The following PHLDB2 variants were observed in gnomAD, a reference collection of about 807,000 sequenced individuals.
PHLDB2 encodes the protein pleckstrin homology-like domain family B member 2.
PHLDB2 carries 71 observed loss-of-function variants against 123.6 expected under a neutral mutation model. The observed-to-expected ratio is 0.57, with a 90% CI of 0.47 to 0.70. PHLDB2 has a LOEUF of 0.70. PHLDB2 is among the 30% of genes least tolerant of loss of function. The pLI is 0.00. For missense variants in PHLDB2, 1,446 were observed against 1,519.5 expected, an observed-to-expected ratio of 0.95 and a Z score of 0.80; for synonymous variants, 547 against 541.6, an observed-to-expected ratio of 1.01 and a Z score of -0.14.
intron 1 of PHLDB2, among the ~76,000 whole-genome samples, chr3:111,768,654 T>A (rs7641533): frequency 0.87 from 131,617 of 152,134 alleles, 57,853 homozygotes; most frequent in East Asian, 1. Context: ...CCACAAATAT[T>A]TGAATCACTG....
chr3:111,943,060 A>T (rs1244108056), intron 8 of PHLDB2, among the ~76,000 whole-genome samples: 1 of 152,136 alleles, frequency 6.6e-6, no homozygotes, highest in Non-Finnish European at 1.5e-5. Context: ...TCAACTGCAT[A>T]TGAAAATGCA....
chr3:111,849,728 T>G (rs924116417), intron 2 of PHLDB2, among the ~76,000 whole-genome samples: 1 of 152,202 alleles, frequency 6.6e-6, no homozygotes, highest in Non-Finnish European at 1.5e-5. Context: ...TGCAAAGATG[T>G]GGAACCAACC....
chr3:111,821,842 T>G (rs1045815806), intron 1 of PHLDB2, among the ~76,000 whole-genome samples: 1 of 152,224 alleles, frequency 6.6e-6, no homozygotes, highest in Non-Finnish European at 1.5e-5. Flanking sequence ...AAGTTCTATT[T>G]GAACATGTTC....
chr3:111,823,899 G>T (rs2062525248), intron 1 of PHLDB2, among the ~76,000 whole-genome samples: 1 of 152,144 alleles, frequency 6.6e-6, no homozygotes, highest in Non-Finnish European at 1.5e-5. Context: ...AGGGGGTACA[G>T]ACCTAGTTTA....
chr3:111,871,143 A>G (rs1392329), intron 1 of PHLDB2, among the ~76,000 whole-genome samples: 7,344 of 152,198 alleles, frequency 0.048, 423 homozygotes, highest in African/African-American at 0.13. Flanking sequence ...ATTAATTCCT[A>G]CTATATTGAT....
chr3:111,970,977 G>A (rs568226517), intron 16 of PHLDB2, among the ~76,000 whole-genome samples: 1 of 152,150 alleles, frequency 6.6e-6, no homozygotes, highest in South Asian at 2.1e-4. Context: ...AAATGGGTGA[G>A]GAGCTGGTAG....
intron 14 of PHLDB2, among the ~76,000 whole-genome samples, chr3:111,967,222 C>T (rs2071836167): frequency 6.6e-6 from 1 of 152,178 alleles, no homozygotes; most frequent in African/African-American, 2.4e-5. Context: ...TTCTAACTTC[C>T]CCACGTGCTT....
At chr3:111,869,547 G>A (rs2065241005) in intron 1 of PHLDB2, among the ~76,000 whole-genome samples, 1 of 152,188 alleles carries the variant, frequency 6.6e-6, no homozygotes, top group Non-Finnish European at 1.5e-5. Flanking sequence ...GCCACATTCT[G>A]GTCCCCAGCG....
chr3:111,819,235 G>C lies in PHLDB2; in HGVS notation c.-48-26586G>C, dbSNP rs534503416. On this transcript the variant is annotated intron_variant, in intron 1 of 17. Coordinates refer to the PHLDB2 transcript ENST00000393923. ...TGCCCATCTCTGACTGGGGGTTAGG[G>C]CTTCCACGTATAAATGGGGTGGGGG... Among the ~76,000 whole-genome samples the C allele has an allele frequency of 5.3e-4, 81 of 151,922 alleles. 3 individuals are homozygous for C. The South Asian group carries it at 0.017, about 32-fold the overall frequency.
chr3:111,830,035 C>T (rs1306352890), intron 1 of PHLDB2, among the ~76,000 whole-genome samples: 1 of 150,646 alleles, frequency 6.6e-6, no homozygotes, highest in Non-Finnish European at 1.5e-5. Flanking sequence ...AACTTCTTAG[C>T]CAAGCCACTA....
intron 1 of PHLDB2, among the ~76,000 whole-genome samples, chr3:111,789,376 T>C (rs534724072): frequency 6.6e-6 from 1 of 152,316 alleles, no homozygotes; most frequent in African/African-American, 2.4e-5. Flanking sequence ...CCACTCATAG[T>C]TGGTTACATA....
Position 111,778,387 on chromosome 3 carries a change from T to G in PHLDB2, c.-49+45684T>G, listed in dbSNP as rs112856309. ...CTCATAGCCTTCAGAAGAAACCAAC[T>G]TTGCCAACACCTTGATTTCAGACTT... On this transcript the variant is annotated intron_variant, in intron 1 of 17. Coordinates refer to the PHLDB2 transcript ENST00000393923. 8.5e-5 allele frequency: 13 copies of G among 152,150 alleles called. 1 individual carries two copies. Among genetic ancestry groups the G allele is most frequent in the African/African-American group, 3.1e-4 (13 of 41,512 alleles). 9.4% of individuals were successfully genotyped at this position (152,150 alleles called of 1,614,324 possible). A position where few individuals can be genotyped will look rare whatever the true frequency, so the allele number is the denominator to read the frequency against.
chr3:111,876,959 C>T (rs932380964), intron 1 of PHLDB2, among the ~76,000 whole-genome samples: 2 of 152,168 alleles, frequency 1.3e-5, no homozygotes, highest in Non-Finnish European at 2.9e-5. Flanking sequence ...TTTCTTTATC[C>T]AGTCTATCAT....
At chr3:111,914,917 A>G (rs1341125815) in intron 3 of PHLDB2, 4 of 150,938 alleles carry the variant, frequency 2.7e-5, no homozygotes, top group Middle Eastern at 3.2e-3. Context: ...ATCTTTTGTT[A>G]TTACGTTTTT....
chr3:111,812,062 G>C (rs1332043033), intron 1 of PHLDB2, among the ~76,000 whole-genome samples: 1 of 152,108 alleles, frequency 6.6e-6, no homozygotes, highest in African/African-American at 2.4e-5. Context: ...CTCAGAACCT[G>C]AATTCCAGTA....
At chr3:111,773,207 G>A (rs9862472) in intron 1 of PHLDB2, among the ~76,000 whole-genome samples, 28,881 of 152,132 alleles carry the variant, frequency 0.19, 2,899 homozygotes, top group African/African-American at 0.21. Context: ...TCAGAAAAGC[G>A]TATTCATTAA....
chr3:111,941,286 C>T (rs1242902258), intron 8 of PHLDB2, among the ~76,000 whole-genome samples: 1 of 152,162 alleles, frequency 6.6e-6, no homozygotes, highest in Non-Finnish European at 1.5e-5. Flanking sequence ...GACATGACCC[C>T]GGTATCATTT....
intron 6 of PHLDB2, among the ~76,000 whole-genome samples, chr3:111,935,627 T>C (rs1016289155): frequency 2.6e-5 from 4 of 152,080 alleles, no homozygotes; most frequent in African/African-American, 9.7e-5. Context: ...GGAGAGCCAG[T>C]CCAAGTCTCA....
intron 1 of PHLDB2, among the ~76,000 whole-genome samples, chr3:111,865,581 T>A (rs1378366778): frequency 6.6e-6 from 1 of 152,140 alleles, no homozygotes; most frequent in African/African-American, 2.4e-5. Flanking sequence ...AAACTCCTGT[T>A]GAAACAAAAT....
Sources: allele counts gnomAD v4.1 joint callset (sites outside exome capture counted in the v4.1 genomes callset), GRCh38; gene constraint gnomAD v4.1.1; transcripts MANE v1.5; gene names NCBI Gene and HGNC (gene_info 2026-07-23, HGNC 2026-07-21).